The following ATXN1 variants were observed in gnomAD, a reference collection of about 807,000 sequenced individuals.
ATXN1 encodes ataxin-1.
In ATXN1, 8 loss-of-function variants were observed where a neutral mutation model predicts 56.4. That is an observed-to-expected ratio of 0.14 (90% CI 0.08 to 0.26). ATXN1 has a LOEUF of 0.26. ATXN1 is among the 10% of genes least tolerant of loss of function. The pLI, the probability that ATXN1 is intolerant of heterozygous loss-of-function variation, is 1.00. For missense variants in ATXN1, 987 were observed against 1,106.5 expected (o/e 0.89, Z 1.53); for synonymous variants, 514 against 494.6 (o/e 1.04, Z -0.52).
intron 4 of ATXN1, among the ~76,000 whole-genome samples, chr6:16,562,128 C>G (rs1762130030): frequency 6.6e-6 from 1 of 152,034 alleles, no homozygotes; most frequent in African/African-American, 2.4e-5. Flanking sequence ...AATCCCAGCA[C>G]TTTGGGAGGC....
intron 4 of ATXN1, among the ~76,000 whole-genome samples, chr6:16,526,064 T>TATATATATATATATATACAC (rs370698828): frequency 0.031 from 4,097 of 132,286 alleles, 92 homozygotes; most frequent in African/African-American, 0.05. Flanking sequence ...TATATATATA[T>TATATATATATATATATACAC]ACATACATAC....
At chr6:16,727,518 T>TA (rs901385895) in intron 2 of ATXN1, among the ~76,000 whole-genome samples, 9 of 152,058 alleles carry the variant, frequency 5.9e-5, no homozygotes, top group African/African-American at 1.7e-4. Flanking sequence ...TAAGTACTTA[T>TA]AAAAAAATTT....
rs1166255504 is a variant in ATXN1, at chr6:16,761,212, G to A, written c.-730+86C>T. On this transcript the variant is annotated intron_variant, in intron 1 of 7. Coordinates refer to ENST00000436367, the MANE Select transcript of ATXN1 (RefSeq NM_001128164.2). The stretch of plus-strand genomic sequence containing the variant: ...TTTTGCCCCTCTCGGGAGATCGGGG[G>A]AGGAGGGATTTTAATCTAAATAAGG... The A allele has an allele frequency of 3.8e-5, 15 of 390,956 alleles. No individual in the cohort carries two copies. The Admixed American group carries it at 4.0e-4, about 10-fold the overall frequency. 24.2% of individuals were successfully genotyped at this position (390,956 alleles called of 1,614,324 possible).
At chr6:16,759,014 A>G (rs369434019) in intron 1 of ATXN1, among the ~76,000 whole-genome samples, 43 of 152,278 alleles carry the variant, frequency 2.8e-4, no homozygotes, top group African/African-American at 1.0e-3. Flanking sequence ...AACTACCTTT[A>G]CCCATCAAAT....
intron 5 of ATXN1, among the ~76,000 whole-genome samples, chr6:16,503,235 C>T (rs1317072234): frequency 2.6e-5 from 4 of 152,210 alleles, no homozygotes; most frequent in African/African-American, 9.6e-5. Flanking sequence ...CACAGAGGTT[C>T]ACAGGGCAGA....
rs774055637 is a variant in ATXN1, at chr6:16,327,452, AG to A, written c.858del (p.Ser287ProfsTer38). 1.2e-6 allele frequency: 2 copies of A among 1,612,882 alleles called. No homozygotes were observed. The highest frequency in any genetic ancestry group is 1.7e-6 in the Non-Finnish European group (2 of 1,179,808). Reference protein sequence around the residue: ...MIPHTLTLGPPSQVVMQYADS... With the variant: ...MIPHTLTLGPXSQVVMQYADS... ...TCGGCGTATTGCATGACGACCTGGG[AG>A]GGGGGCCCCAGGGTGAGCGTGTGTG... On this transcript the variant is annotated frameshift_variant, in exon 7 of 8. Transcript: ENST00000436367. LOFTEE classifies it high-confidence loss of function.
chr6:16,676,176 T>A (rs1295390535), intron 2 of ATXN1, among the ~76,000 whole-genome samples: 1 of 152,084 alleles, frequency 6.6e-6, no homozygotes, highest in Non-Finnish European at 1.5e-5. Flanking sequence ...ATGAAAAAAA[T>A]ATATATACAA....
At chr6:16,744,683 A>T (rs1035839302) in intron 2 of ATXN1, among the ~76,000 whole-genome samples, 8 of 152,180 alleles carry the variant, frequency 5.3e-5, no homozygotes, top group Admixed American at 5.2e-4. Context: ...AACAGGAAAC[A>T]GTTCCCAAGG....
chr6:16,558,760 A>T (rs566502201), intron 4 of ATXN1, among the ~76,000 whole-genome samples: 1 of 152,342 alleles, frequency 6.6e-6, no homozygotes. Flanking sequence ...TATGTAAAAA[A>T]ATTAAAAGCC....
intron 5 of ATXN1, among the ~76,000 whole-genome samples, chr6:16,490,134 CA>C (rs36120552): frequency 0.74 from 99,368 of 134,170 alleles, 36,771 homozygotes; most frequent in Admixed American, 0.82. Flanking sequence ...GACAAATGAC[CA>C]AAAAAAAAAA....
chr6:16,735,939 A>G (rs964656933), intron 2 of ATXN1, among the ~76,000 whole-genome samples: 3 of 152,230 alleles, frequency 2.0e-5, no homozygotes, highest in African/African-American at 7.2e-5. Context: ...TTTCCCTGCT[A>G]GCATAGTACT....
Position 16,328,615 on chromosome 6 carries a change from A to G in ATXN1, c.-160-145T>C. On this transcript the variant is annotated intron_variant, in intron 6 of 7. Transcript: ENST00000436367. This position sits in a 1 kb window ranked among gnomAD's most constrained non-coding sequence, Gnocchi z 6.2. ...GGCCCTGGACTCGGTGTGAACTCCC[A>G]TAACCCAATCATACCCCAAGCACTG... 1 of 287,324 alleles carries G rather than the reference A, an allele frequency of 3.5e-6. No individual in the cohort carries two copies. Among genetic ancestry groups the G allele is most frequent in the Non-Finnish European group, 6.3e-6 (1 of 159,752 alleles). 17.8% of individuals were successfully genotyped at this position (287,324 alleles called of 1,614,324 possible).
intron 3 of ATXN1, among the ~76,000 whole-genome samples, chr6:16,648,158 A>G (rs1479012230): frequency 6.6e-6 from 1 of 152,178 alleles, no homozygotes; most frequent in Non-Finnish European, 1.5e-5. Context: ...TTTCAGGACT[A>G]GTTCACTTCT....
At chr6:16,691,650 T>C (rs1340568871) in intron 2 of ATXN1, among the ~76,000 whole-genome samples, 2 of 152,084 alleles carry the variant, frequency 1.3e-5, no homozygotes, top group African/African-American at 4.8e-5. Flanking sequence ...GGTAAATAAA[T>C]AGCCACTGAG....
chr6:16,346,300 C>T (rs1761386254), intron 6 of ATXN1, among the ~76,000 whole-genome samples: 1 of 152,142 alleles, frequency 6.6e-6, no homozygotes, highest in Non-Finnish European at 1.5e-5. Context: ...GTGATCCGCC[C>T]ATCTCGGCCT....
intron 2 of ATXN1, chr6:16,666,877 A>C (rs917455763): frequency 1.3e-5 from 2 of 152,214 alleles, no homozygotes; most frequent in African/African-American, 4.8e-5. Flanking sequence ...TTTTAACTAA[A>C]GGAATAAACT....
chr6:16,561,153 G>C (rs1366239573), intron 4 of ATXN1, among the ~76,000 whole-genome samples: 1 of 152,022 alleles, frequency 6.6e-6, no homozygotes, highest in Non-Finnish European at 1.5e-5. Context: ...CTGATGCCTT[G>C]GGTATCCAGT....
chr6:16,709,020 T>C lies in ATXN1; in HGVS notation c.-615+44213A>G, dbSNP rs1759469475. Among the ~76,000 whole-genome samples, 8 of 116,200 alleles carry C rather than the reference T, an allele frequency of 6.9e-5. 1 individual carries two copies. The South Asian group carries it at 2.4e-3, about 35-fold the overall frequency. The allele number at this position is 116,200 out of a possible 152,430, so 76.2% of individuals were successfully genotyped here. A position where few individuals can be genotyped will look rare whatever the true frequency, so the allele number is the denominator to read the frequency against. ...CAGCCTGGGTGAAAGAGCGAAACTC[T>C]GTCTCAAAAAAAAAAAAAGAAAAGA... On this transcript the variant is annotated intron_variant, in intron 2 of 7. Transcript: ENST00000436367.
chr6:16,675,608 C>T (rs574285810), intron 2 of ATXN1, among the ~76,000 whole-genome samples: 66 of 152,042 alleles, frequency 4.3e-4, no homozygotes, highest in African/African-American at 8.4e-4. Context: ...AGGCCAGGTG[C>T]GGTGGCTCAC....
Sources: allele counts gnomAD v4.1 joint callset (sites outside exome capture counted in the v4.1 genomes callset), GRCh38; gene constraint gnomAD v4.1.1; non-coding constraint Gnocchi (gnomAD v3.1); transcripts MANE v1.5; gene names NCBI Gene and HGNC (gene_info 2026-07-23, HGNC 2026-07-21).